MGST3: variants seen among roughly 807,000 people sequenced by gnomAD.
MGST3 encodes glutathione S-transferase 3, mitochondrial.
In MGST3, 13 loss-of-function variants were observed where a neutral mutation model predicts 15.8. The observed-to-expected ratio is 0.82, with a 90% CI of 0.54 to 1.31. The LOEUF is 1.31. MGST3 is among the 50% of genes most tolerant of loss of function. MGST3 has a pLI of 0.00. For synonymous variants in MGST3, 49 were observed against 68.1 expected (o/e 0.72, Z 1.38); for missense variants, 155 against 192.4 (o/e 0.81, Z 1.15).
Position 165,649,893 on chromosome 1 carries a change from G to A in MGST3, c.46G>A (p.Ala16Thr). The A allele has an allele frequency of 1.2e-6, 2 of 1,614,184 alleles. No homozygotes were observed. Among genetic ancestry groups the A allele is most frequent in the South Asian group, 2.2e-5 (2 of 91,090 alleles). Residue 16 changes from alanine to threonine, a missense_variant, in exon 2 of 6, where the codon GCT (alanine) becomes ACT (threonine). Coordinates refer to ENST00000367889, the MANE Select transcript of MGST3 (RefSeq NM_004528.4). ...ATATGGTTTTGTGCTTCTAACTGGT[G>A]CTGCCAGCTTTATAATGGTGGCCCA... ...KEYGFVLLTGAASFIMVAHLA... is the reference protein window; with the variant it reads ...KEYGFVLLTGTASFIMVAHLA...
intron 1 of MGST3, among the ~76,000 whole-genome samples, chr1:165,634,680 T>G (rs1294744158): frequency 6.6e-6 from 1 of 151,918 alleles, no homozygotes; most frequent in Non-Finnish European, 1.5e-5. Flanking sequence ...TATGGTATGG[T>G]CCTGCTGTGT....
chr1:165,639,601 G>A (rs970332930), intron 1 of MGST3, among the ~76,000 whole-genome samples: 3 of 152,064 alleles, frequency 2.0e-5, no homozygotes, highest in African/African-American at 7.2e-5. Context: ...TCAGGAGTTC[G>A]AGACCAGCCT....
chr1:165,643,445 G>C (rs1648310569), intron 1 of MGST3, among the ~76,000 whole-genome samples: 1 of 151,986 alleles, frequency 6.6e-6, no homozygotes, highest in Non-Finnish European at 1.5e-5. Context: ...CTGGCCAGGT[G>C]CTGTGGCTCA....
At chr1:165,654,220 G>A in intron 4 of MGST3, 59 bp from the exon 5 acceptor site, 4 of 1,528,422 alleles carry the variant, frequency 2.6e-6, no homozygotes, top group South Asian at 2.2e-5. Context: ...AACCCTAGGT[G>A]TTAAAAAAGG....
intron 2 of MGST3, 45 bp downstream of exon 2, chr1:165,650,009 G>A (rs1433605083): frequency 1.2e-6 from 2 of 1,612,032 alleles, no homozygotes; most frequent in East Asian, 2.2e-5. Context: ...TTGTCTGGGG[G>A]CCACAGGCTT....
chr1:165,651,271 G>T (rs1430427664), intron 3 of MGST3, 184 bp downstream of exon 3: 2 of 630,458 alleles, frequency 3.2e-6, no homozygotes, highest in Non-Finnish European at 5.7e-6. Context: ...ACTTAAGAGT[G>T]GTTGGAATGG....
chr1:165,632,225 C>T (rs774991171), intron 1 of MGST3: 1 of 1,612,210 alleles, frequency 6.2e-7, no homozygotes, highest in South Asian at 1.1e-5. Context: ...TTAATTCCTT[C>T]CCTGGGGACA....
Position 165,651,892 on chromosome 1 carries a change from CAAAAA to C in MGST3, c.192-71_192-67del, listed in dbSNP as rs58194137. 1.5e-3 allele frequency: 695 copies of C among 472,634 alleles called. 8 individuals carry two copies. The African/African-American group carries it at 0.016, about 11-fold the overall frequency. The allele number at this position is 472,634 out of a possible 1,614,324, so 29.3% of individuals were successfully genotyped here. On this transcript the variant is annotated intron_variant, in intron 3 of 5. Transcript: ENST00000367889. ...CCTGGGTGACAGAGACACTCCGTCT[CAAAAA>C]AAAAAAAAAAAAAATTCATAATTCT...
intron 3 of MGST3, chr1:165,651,649 A>T (rs1648559994): frequency 2.9e-6 from 1 of 342,326 alleles, no homozygotes; most frequent in Non-Finnish European, 5.5e-6. Context: ...CACACCTGTA[A>T]TCCCAGCACT....
intron 1 of MGST3, chr1:165,649,372 C>A: frequency 6.1e-6 from 1 of 163,674 alleles, no homozygotes; most frequent in Non-Finnish European, 1.3e-5. Context: ...CTCTCCCTCT[C>A]CTCCCTCCCC....
rs1028329307 is a variant in MGST3, at chr1:165,655,217, C to G, written c.323-151C>G. On this transcript the variant is annotated intron_variant, in intron 5 of 5. Transcript: ENST00000367889. ...ACTTGGCATGTGGTATCTGACTTGCCAACAGCTTCAGGCTAAAGAGTTAGT... is the reference window on the plus strand; with the variant it reads ...ACTTGGCATGTGGTATCTGACTTGCGAACAGCTTCAGGCTAAAGAGTTAGT... The G allele has an allele frequency of 5.4e-6, 5 of 932,252 alleles. No individual in the cohort carries two copies. The African/African-American group carries it at 6.5e-5, about 12-fold the overall frequency. 57.7% of individuals were successfully genotyped at this position (932,252 alleles called of 1,614,324 possible).
At chr1:165,652,817 T>C (rs544810663) in intron 4 of MGST3, among the ~76,000 whole-genome samples, 1 of 152,342 alleles carries the variant, frequency 6.6e-6, no homozygotes, top group Admixed American at 6.5e-5. Flanking sequence ...CTTGCAGGCC[T>C]CTGCAGTATA....
Position 165,651,099 on chromosome 1 carries a change from C to T in MGST3, c.191+12C>T. On this transcript the variant is annotated intron_variant, in intron 3 of 5. Transcript: ENST00000367889. ...GCCCACCAGAACACGTGAGTGTCGG[C>T]CCTGCCGGGCACCAAAGACATCTGC... The T allele has an allele frequency of 6.2e-7, 1 of 1,613,502 alleles. No individual in the cohort carries two copies. Among genetic ancestry groups the T allele is most frequent in the South Asian group, 1.1e-5 (1 of 91,074 alleles).
chr1:165,632,330 G>C, intron 1 of MGST3: 1 of 1,591,230 alleles, frequency 6.3e-7, no homozygotes, highest in Non-Finnish European at 8.6e-7. Flanking sequence ...ATTTTAGATT[G>C]CTGGTGGGTA....
chr1:165,632,117 A>G, intron 1 of MGST3: 1 of 822,914 alleles, frequency 1.2e-6, no homozygotes, highest in Non-Finnish European at 2.0e-6. Context: ...ACGAGTTTAC[A>G]AGCTACATAA....
chr1:165,649,707 T>G (rs1648501818), intron 1 of MGST3, 134 bp from the exon 2 acceptor site: 1 of 1,020,494 alleles, frequency 9.8e-7, no homozygotes, highest in African/African-American at 1.6e-5. Context: ...CTCAGAAACA[T>G]CAGATTGATT....
intron 1 of MGST3, among the ~76,000 whole-genome samples, chr1:165,643,699 T>C (rs1482485242): frequency 1.3e-5 from 2 of 151,806 alleles, no homozygotes; most frequent in African/African-American, 4.8e-5. Context: ...AACCCCCATC[T>C]CTACTAAAAA....
chr1:165,644,575 G>C (rs9333442), intron 1 of MGST3, among the ~76,000 whole-genome samples: 1 of 152,070 alleles, frequency 6.6e-6, no homozygotes, highest in Admixed American at 6.6e-5. Context: ...CAGACCTTAC[G>C]TACACTGTAT....
chr1:165,649,966 T>C lies in MGST3; in HGVS notation c.117+2T>C. The C allele has an allele frequency of 6.2e-7, 1 of 1,613,856 alleles. No individual in the cohort carries two copies. The highest frequency in any genetic ancestry group is 8.5e-7 in the Non-Finnish European group (1 of 1,180,016). On this transcript the variant is annotated splice_donor_variant, in intron 2 of 5. Coordinates refer to ENST00000367889, the MANE Select transcript of MGST3 (RefSeq NM_004528.4). LOFTEE classifies it high-confidence loss of function. The stretch of plus-strand genomic sequence containing the variant: ...GCCCGCAAGAAGTACAAAGTGGAGG[T>C]AAGTGGGAACACAAGCTGGTGCCCT...
Sources: allele counts gnomAD v4.1 joint callset (sites outside exome capture counted in the v4.1 genomes callset), GRCh38; gene constraint gnomAD v4.1.1; transcripts MANE v1.5; gene names NCBI Gene and HGNC (gene_info 2026-07-23, HGNC 2026-07-21).